Variants in TEX10 observed in about 807,000 individuals in gnomAD.
TEX10 encodes testis-expressed protein 10.
A neutral mutation model predicts 104.4 loss-of-function variants in TEX10; 24 were observed. The ratio of observed to expected loss-of-function variants is 0.23; its 90% confidence interval spans 0.17 to 0.32. The LOEUF is 0.32. TEX10 is among the 10% of genes least tolerant of loss of function. The pLI is 1.00. For synonymous variants in TEX10, 396 were observed against 393.4 expected (o/e 1.01, Z -0.08); for missense variants, 921 against 1,083.9 (o/e 0.85, Z 2.11).
At chr9:100,328,020 A>C in intron 7 of TEX10, 58 bp from the exon 8 acceptor site, 2 of 1,361,932 alleles carry the variant, frequency 1.5e-6, no homozygotes, top group South Asian at 4.3e-5. Flanking sequence ...AAATAAATTT[A>C]AACAAAAAAA....
At chr9:100,321,829 A>C in intron 9 of TEX10, 58 bp from the exon 10 acceptor site, 1 of 1,293,152 alleles carries the variant, frequency 7.7e-7, no homozygotes, top group Non-Finnish European at 1.1e-6. Context: ...AGACTTGTCA[A>C]AGGTAGCACA....
At chr9:100,318,328 C>T (rs146375161) in intron 11 of TEX10, among the ~76,000 whole-genome samples, 27 of 152,298 alleles carry the variant, frequency 1.8e-4, no homozygotes, top group African/African-American at 6.5e-4. Context: ...ATGGATATAA[C>T]GGAAGGCCAT....
chr9:100,310,097 C>T (rs188363019), intron 12 of TEX10, among the ~76,000 whole-genome samples: 1 of 152,250 alleles, frequency 6.6e-6, no homozygotes, highest in East Asian at 1.9e-4. Context: ...AGACTTTTCC[C>T]AAGGTCACTC....
chr9:100,302,253 A>C lies in TEX10; in HGVS notation c.2728T>G (p.Cys910Gly). 2 of 1,613,804 alleles carry C rather than the reference A, an allele frequency of 1.2e-6. No individual in the cohort carries two copies. Among genetic ancestry groups the C allele is most frequent in the African/African-American group, 2.7e-5 (2 of 75,030 alleles). Residue 910 changes from cysteine (C) to glycine (G), a missense_variant, in exon 15 of 15, where the codon TGC (cysteine) becomes GGC (glycine). Transcript: ENST00000374902. ...TGCCCAGTGATATACACGTTGAAGC[A>C]GTAATGTAAGTCTGTGAGCCACTGT... The part of the protein sequence containing the change: ...QEQWLTDLHY[C>G]FNVYITGHPQ...
chr9:100,349,479 CA>C, intron 1 of TEX10, 107 bp from the exon 2 acceptor site: 1 of 668,680 alleles, frequency 1.5e-6, no homozygotes, highest in Non-Finnish European at 2.2e-6. Flanking sequence ...CAATCGTAAT[CA>C]AGAATCTGAT....
Position 100,308,678 on chromosome 9 carries a change from C to T in TEX10, c.2287G>A (p.Gly763Arg). 6.3e-7 allele frequency: 1 copy of T among 1,587,050 alleles called. No homozygotes were observed. Among genetic ancestry groups the T allele is most frequent in the Non-Finnish European group, 8.6e-7 (1 of 1,169,100 alleles). ...LQSAISKHLV[G>R]LTVIPDSTAG... ...GTGCTGTCAGGAATTACAGTCAACCCAACCTAAGCAGAGAAAAACGAGATT... is the reference window on the plus strand; with the variant it reads ...GTGCTGTCAGGAATTACAGTCAACCTAACCTAAGCAGAGAAAAACGAGATT... Residue 763 changes from glycine to arginine, a missense_variant, in exon 13 of 15, where the codon GGG becomes AGG. Transcript: ENST00000374902.
chr9:100,327,174 A>C (rs1290104520), intron 8 of TEX10, among the ~76,000 whole-genome samples: 1 of 152,124 alleles, frequency 6.6e-6, no homozygotes, highest in Non-Finnish European at 1.5e-5. Flanking sequence ...GGCTGGGGGA[A>C]GAAAGGAATA....
intron 5 of TEX10, among the ~76,000 whole-genome samples, chr9:100,335,755 G>A (rs1587735170): frequency 6.6e-6 from 1 of 150,984 alleles, no homozygotes; most frequent in Admixed American, 6.6e-5. Context: ...TGAGATAGAT[G>A]GTGATGATCA....
chr9:100,323,195 A>G (rs1027859399), intron 9 of TEX10, among the ~76,000 whole-genome samples: 2 of 152,218 alleles, frequency 1.3e-5, no homozygotes, highest in Non-Finnish European at 2.9e-5. Context: ...GACCCTGTGA[A>G]AAGTGATAAA....
chr9:100,341,015 G>A (rs892502530), intron 4 of TEX10, among the ~76,000 whole-genome samples: 2 of 151,828 alleles, frequency 1.3e-5, no homozygotes, highest in Non-Finnish European at 2.9e-5. Flanking sequence ...CGCCCAGGTC[G>A]GAGTACAGTG....
chr9:100,324,845 A>AT (rs900537959), intron 9 of TEX10, among the ~76,000 whole-genome samples: 1 of 152,180 alleles, frequency 6.6e-6, no homozygotes, highest in Non-Finnish European at 1.5e-5. Flanking sequence ...GTTACGGAAA[A>AT]TTTTTTTTAA....
chr9:100,346,306 A>ATTG lies in TEX10; in HGVS notation c.902_903insCAA (p.Val301_Gly302insAsn). 1 of 1,612,944 alleles carries ATTG rather than the reference A, an allele frequency of 6.2e-7. No homozygotes were observed. Among genetic ancestry groups the ATTG allele is most frequent in the Non-Finnish European group, 8.5e-7 (1 of 1,179,536 alleles). On this transcript the variant is annotated inframe_insertion, in exon 4 of 15. Coordinates refer to ENST00000374902, the MANE Select transcript of TEX10 (RefSeq NM_017746.4). The stretch of plus-strand genomic sequence containing the variant: ...CTTCATCCACACCACTCAGTCCTCC[A>ATTG]ACCAGATACCTAATAAGGGTAAGAA...
At chr9:100,315,154 G>C (rs1339851309) in intron 11 of TEX10, among the ~76,000 whole-genome samples, 4 of 152,006 alleles carry the variant, frequency 2.6e-5, no homozygotes, top group Non-Finnish European at 5.9e-5. Context: ...AAATTTGTTG[G>C]GACTTGTTGT....
chr9:100,310,268 T>C, intron 12 of TEX10, 31 bp downstream of exon 12: 3 of 1,588,768 alleles, frequency 1.9e-6, no homozygotes, highest in Non-Finnish European at 2.6e-6. Flanking sequence ...CCTGTGTTCA[T>C]TCTTAAGAGA....
In TEX10 at chr9:100,308,526, T is replaced by G. The variant is rs1327598995; in HGVS notation, c.2439A>C (p.Lys813Asn). 1 of 1,595,458 alleles carries G rather than the reference T, an allele frequency of 6.3e-7. No homozygotes were observed. Among genetic ancestry groups the G allele is most frequent in the Non-Finnish European group, 8.5e-7 (1 of 1,174,436 alleles). Reference sequence around the variant, plus strand: ...TCTTTCTTAGATGTTCTGCTTCCCCTTTCTCTATAGTGAGCAGAAAATAAA... The same window carrying G: ...TCTTTCTTAGATGTTCTGCTTCCCCGTTCTCTATAGTGAGCAGAAAATAAA... ...SLLYFLLTIEKGEAEHLRKRD... is the reference protein window; with the variant it reads ...SLLYFLLTIENGEAEHLRKRD... Residue 813 changes from lysine to asparagine, a missense_variant, in exon 13 of 15, where the codon AAA (lysine) becomes AAC (asparagine). Around this residue, in one of 3 missense-constraint regions of TEX10, gnomAD observed 753 missense variants for 868.4 expected, o/e 0.87. Coordinates refer to ENST00000374902, the MANE Select transcript of TEX10 (RefSeq NM_017746.4).
chr9:100,329,045 C>G, intron 7 of TEX10, 95 bp downstream of exon 7: 1 of 1,304,272 alleles, frequency 7.7e-7, no homozygotes, highest in Non-Finnish European at 1.0e-6. Flanking sequence ...GAATGAACTT[C>G]TCCAAAGATT....
intron 5 of TEX10, among the ~76,000 whole-genome samples, chr9:100,335,606 A>C (rs550894758): frequency 6.6e-6 from 1 of 152,246 alleles, no homozygotes; most frequent in Non-Finnish European, 1.5e-5. Flanking sequence ...GGTGGTAAAG[A>C]ATACATGTCT....
intron 12 of TEX10, 46 bp from the exon 13 acceptor site, chr9:100,308,727 G>C (rs761850011): frequency 6.9e-7 from 1 of 1,445,572 alleles, no homozygotes; most frequent in Admixed American, 2.5e-5. Context: ...TAACAGACCC[G>C]CTCCTCCACA....
intron 4 of TEX10, among the ~76,000 whole-genome samples, chr9:100,343,324 G>A: frequency 7.8e-6 from 1 of 127,498 alleles, no homozygotes; most frequent in Admixed American, 8.8e-5. Flanking sequence ...AAAAAAGATA[G>A]GTAAGGGAAT....
Sources: gnomAD v4.1 joint callset for allele counts (sites outside exome capture counted in the v4.1 genomes callset) on GRCh38, gnomAD v4.1.1 for gene constraint, gnomAD v4.1.1 regional missense constraint, MANE v1.5 for transcripts, NCBI Gene and HGNC (gene_info 2026-07-23, HGNC 2026-07-21) for gene names.